Variants in DICER1 observed in about 807,000 individuals in gnomAD.
DICER1 encodes the protein dicer 1, ribonuclease III, also known as endoribonuclease Dicer.
In DICER1, 43 loss-of-function variants were observed where a neutral mutation model predicts 194.1. The observed-to-expected ratio is 0.22, with a 90% CI of 0.17 to 0.29. DICER1 has a LOEUF of 0.29. Ranked by LOEUF, DICER1 falls within the 10% of genes least tolerant of loss-of-function variation. DICER1 has a pLI of 1.00. For missense variants in DICER1, 1,608 were observed against 2,317.0 expected (o/e 0.69, Z 6.28); for synonymous variants, 832 against 820.5 (o/e 1.01, Z -0.24).
chr14:95,138,592 C>A (rs933554640), intron 1 of DICER1, among the ~76,000 whole-genome samples: 1 of 152,220 alleles, frequency 6.6e-6, no homozygotes, highest in African/African-American at 2.4e-5. Context: ...GCACTACACT[C>A]TGTGATATCT....
intron 2 of DICER1, 146 bp downstream of exon 2, chr14:95,133,169 A>T: frequency 1.2e-6 from 1 of 802,140 alleles, no homozygotes; most frequent in Non-Finnish European, 2.1e-6. Context: ...AAGGACTATT[A>T]AGAATAAAAG....
rs1369272659 is a variant in DICER1, at chr14:95,088,675, A to G, written c.*1823T>C. ...CGTTTAATAATTTAGATCTCAATTT[A>G]AGTTTAAGATTGGAGACAACAAAAA... On this transcript the variant is annotated 3_prime_UTR_variant, in exon 27 of 27. Coordinates refer to ENST00000343455, the MANE Select transcript of DICER1 (RefSeq NM_177438.3). 4 of 232,688 alleles carry G rather than the reference A, an allele frequency of 1.7e-5. No individual in the cohort carries two copies. The highest frequency in any genetic ancestry group is 3.4e-5 in the Non-Finnish European group (4 of 117,772). 14.4% of individuals were successfully genotyped at this position (232,688 alleles called of 1,614,324 possible).
intron 1 of DICER1, among the ~76,000 whole-genome samples, chr14:95,153,616 C>A (rs1195676533): frequency 6.6e-6 from 1 of 152,156 alleles, no homozygotes; most frequent in Admixed American, 6.5e-5. Flanking sequence ...CATTAATCAA[C>A]GTGAGTTACA....
At position 95,111,900 on chromosome 14, in the gene DICER1, C is replaced by T. The variant is rs765022681; in HGVS notation, c.2116+272G>A. Among the ~76,000 whole-genome samples, 11 of 152,028 alleles carry T rather than the reference C, an allele frequency of 7.2e-5. No homozygotes were observed. The East Asian group carries it at 1.2e-3, about 16-fold the overall frequency. On this transcript the variant is annotated intron_variant, in intron 13 of 26. Transcript: ENST00000343455. ...TTCATGGTGCATGATTCAACAATTA[C>T]GAAAAGACCTTTATGTACTTAAAAG...
Position 95,124,670 on chromosome 14 carries a change from T to A in DICER1, c.904-2A>T. On this transcript the variant is annotated splice_acceptor_variant, in intron 7 of 26. Transcript: ENST00000343455. LOFTEE classifies it high-confidence loss of function. The surrounding 1 kb of genome is among the most constrained non-coding windows in gnomAD (Gnocchi z 4.5). The stretch of plus-strand genomic sequence containing the variant: ...TACGGCACGACAGTCTGATAGTATC[T>A]ACAAAAAAAAGAAAAGAAAAAACCT... The A allele has an allele frequency of 6.2e-7, 1 of 1,608,666 alleles. No individual in the cohort carries two copies.
intron 6 of DICER1, among the ~76,000 whole-genome samples, chr14:95,127,216 C>T (rs73331527): frequency 0.033 from 5,058 of 152,226 alleles, 309 homozygotes; most frequent in African/African-American, 0.12. Flanking sequence ...TCCCTGAACA[C>T]CTTTTGTTTC....
chr14:95,146,525 T>C (rs1244807362), intron 1 of DICER1, among the ~76,000 whole-genome samples: 2 of 152,218 alleles, frequency 1.3e-5, no homozygotes, highest in Non-Finnish European at 2.9e-5. Context: ...TGCTGAGAAC[T>C]GTTTCATTGC....
intron 11 of DICER1, among the ~76,000 whole-genome samples, chr14:95,114,466 G>A (rs1892258483): frequency 6.6e-6 from 1 of 152,184 alleles, no homozygotes; most frequent in African/African-American, 2.4e-5. Flanking sequence ...TAAACGGAGA[G>A]AAGAAATGGA....
chr14:95,155,496 A>AGT (rs1156672337), intron 1 of DICER1, among the ~76,000 whole-genome samples: 2 of 152,202 alleles, frequency 1.3e-5, no homozygotes, highest in Non-Finnish European at 2.9e-5. Context: ...AGCCACATCA[A>AGT]AAGACAATGT....
chr14:95,103,997 T>G lies in DICER1; in HGVS notation c.3399A>C (p.Ala1133=), dbSNP rs1595367311. The change falls in exon 21 of 27, where the codon GCA becomes GCC. Residue 1133 remains alanine, a synonymous_variant. Transcript: ENST00000343455. ...KHSTIVPENA[A]HQGANRTSSL... Reference sequence around the variant, plus strand: ...AGGAGGTTCTATTAGCACCTTGATGTGCAGCATTTTCAGGGACAATTGTGC... The same window carrying G: ...AGGAGGTTCTATTAGCACCTTGATGGGCAGCATTTTCAGGGACAATTGTGC... 1 of 1,614,200 alleles carries G rather than the reference T, an allele frequency of 6.2e-7. No homozygotes were observed. Among genetic ancestry groups the G allele is most frequent in the Non-Finnish European group, 8.5e-7 (1 of 1,180,022 alleles).
chr14:95,114,480 T>C (rs1447088564), intron 11 of DICER1, among the ~76,000 whole-genome samples: 2 of 152,168 alleles, frequency 1.3e-5, no homozygotes, highest in Admixed American at 6.5e-5. Flanking sequence ...AAATGGATGG[T>C]AGAATGCCAA....
chr14:95,131,473 G>T, intron 4 of DICER1, 36 bp downstream of exon 4: 3 of 1,600,308 alleles, frequency 1.9e-6, no homozygotes, highest in Non-Finnish European at 2.6e-6. Flanking sequence ...AGAACTTGTA[G>T]GGATTTATAA....
At position 95,105,854 on chromosome 14, in the gene DICER1, A is replaced by G. The variant is rs142857015; in HGVS notation, c.2988-71T>C. On this transcript the variant is annotated intron_variant, in intron 18 of 26. Transcript: ENST00000343455. The surrounding 1 kb of genome is among the most constrained non-coding windows in gnomAD (Gnocchi z 4.9). ...ACATATTCACAGTGGTTCTCCAAAA[A>G]CCACCTGAAGAGCTCATTTCAACTA... is the stretch of plus-strand genomic sequence containing the variant. 2.2e-4 allele frequency: 327 copies of G among 1,471,914 alleles called. No homozygotes were observed. The African/African-American group carries it at 3.8e-3, about 17-fold the overall frequency. 91.2% of individuals were successfully genotyped at this position (1,471,914 alleles called of 1,614,324 possible). A position where few individuals can be genotyped will look rare whatever the true frequency, so the allele number is the denominator to read the frequency against.
chr14:95,089,125 AAAG>A lies in DICER1; in HGVS notation c.*1370_*1372del, dbSNP rs1420496569. 1.7e-5 allele frequency: 4 copies of A among 233,264 alleles called. No homozygotes were observed. Among genetic ancestry groups the A allele is most frequent in the South Asian group, 1.8e-4 (1 of 5,532 alleles). 14.4% of individuals were successfully genotyped at this position (233,264 alleles called of 1,614,324 possible). On this transcript the variant is annotated 3_prime_UTR_variant, in exon 27 of 27. Transcript: ENST00000343455. ...ACAGGGGAAAAATGCATGCAAAAGA[AAAG>A]AAGAACTGAGGTATTTAAGTGAAGA...
At chr14:95,150,907 A>C (rs1472650286) in intron 1 of DICER1, among the ~76,000 whole-genome samples, 3 of 152,182 alleles carry the variant, frequency 2.0e-5, no homozygotes, top group African/African-American at 4.8e-5. Flanking sequence ...TCTGTTGCCC[A>C]GACTGGAGTG....
At chr14:95,119,178 C>G (rs1439337810) in intron 8 of DICER1, among the ~76,000 whole-genome samples, 1 of 151,940 alleles carries the variant, frequency 6.6e-6, no homozygotes, top group Admixed American at 6.6e-5. Context: ...TGTGTTTTAA[C>G]TTACTGTTAA....
chr14:95,137,788 T>C (rs1298565184), intron 1 of DICER1: 1 of 152,844 alleles, frequency 6.5e-6, no homozygotes, highest in African/African-American at 2.4e-5. Context: ...TATTTGTCCT[T>C]AGGAATACTT....
At position 95,086,512 on chromosome 14, in the gene DICER1, T is replaced by C; in HGVS notation, c.*3986A>G. 1 of 233,422 alleles carries C rather than the reference T, an allele frequency of 4.3e-6. No homozygotes were observed. The highest frequency in any genetic ancestry group is 8.5e-6 in the Non-Finnish European group (1 of 117,904). 14.5% of individuals were successfully genotyped at this position (233,422 alleles called of 1,614,324 possible). A position where few individuals can be genotyped will look rare whatever the true frequency, so the allele number is the denominator to read the frequency against. ...TTACTTCCTGTTCACCTTTGCATTT[T>C]TGCTATGTAACCTGCTGCTGCAGTG... On this transcript the variant is annotated 3_prime_UTR_variant, in exon 27 of 27. Transcript: ENST00000343455.
intron 1 of DICER1, among the ~76,000 whole-genome samples, chr14:95,149,263 A>G (rs922377989): frequency 2.0e-5 from 3 of 152,258 alleles, no homozygotes; most frequent in Non-Finnish European, 4.4e-5. Context: ...CAAAATGAAC[A>G]TAAGAGACTA....
Sources: allele counts gnomAD v4.1 joint callset (sites outside exome capture counted in the v4.1 genomes callset), GRCh38; gene constraint gnomAD v4.1.1; non-coding constraint Gnocchi (gnomAD v3.1); transcripts MANE v1.5; gene names NCBI Gene and HGNC (gene_info 2026-07-23, HGNC 2026-07-21).